MGAT4C: variants seen among roughly 807,000 people sequenced by gnomAD.
MGAT4C encodes alpha-1,3-mannosyl-glycoprotein 4-beta-N-acetylglucosaminyltransferase C.
A neutral mutation model predicts 40.1 loss-of-function variants in MGAT4C; 19 were observed. That is an observed-to-expected ratio of 0.47 (90% CI 0.33 to 0.70). MGAT4C has a LOEUF of 0.70. MGAT4C is among the 30% of genes least tolerant of loss of function. MGAT4C has a pLI of 0.02. For synonymous variants in MGAT4C, 181 were observed against 187.1 expected, an observed-to-expected ratio of 0.97 and a Z score of 0.27; for missense variants, 491 against 563.2, an observed-to-expected ratio of 0.87 and a Z score of 1.30.
intron 4 of MGAT4C, among the ~76,000 whole-genome samples, chr12:86,311,272 C>T (rs930543556): frequency 6.6e-6 from 1 of 152,074 alleles, no homozygotes; most frequent in Non-Finnish European, 1.5e-5. Context: ...GGCATTTTAC[C>T]GTACTAACTC....
chr12:86,053,402 G>A (rs1417607276), intron 1 of MGAT4C, among the ~76,000 whole-genome samples: 3 of 151,752 alleles, frequency 2.0e-5, no homozygotes, highest in Non-Finnish European at 4.4e-5. Context: ...TATGACACTG[G>A]AGCTGAGTAT....
intron 2 of MGAT4C, among the ~76,000 whole-genome samples, chr12:86,625,735 AC>A (rs1962783903): frequency 6.6e-6 from 1 of 152,184 alleles, no homozygotes; most frequent in Admixed American, 6.5e-5. Context: ...TAAAACAAAC[AC>A]TAGAAATAAA....
chr12:86,803,531 A>C (rs1459442336), intron 1 of MGAT4C, among the ~76,000 whole-genome samples: 1 of 151,886 alleles, frequency 6.6e-6, no homozygotes, highest in African/African-American at 2.4e-5. Flanking sequence ...CAAAGGGCTA[A>C]TATCCAGAAT....
At chr12:86,728,559 C>T (rs867631294) in intron 1 of MGAT4C, among the ~76,000 whole-genome samples, 16 of 152,164 alleles carry the variant, frequency 1.1e-4, no homozygotes, top group African/African-American at 3.4e-4. Context: ...GGCATAGTGG[C>T]GAGCACCTGT....
chr12:86,598,580 TC>T, intron 2 of MGAT4C, among the ~76,000 whole-genome samples: 1 of 152,174 alleles, frequency 6.6e-6, no homozygotes, highest in African/African-American at 2.4e-5. Flanking sequence ...TAGCAAAAAT[TC>T]CCTTCATCAC....
chr12:86,459,715 C>T (rs1243152982), intron 2 of MGAT4C, among the ~76,000 whole-genome samples: 7 of 127,040 alleles, frequency 5.5e-5, no homozygotes, highest in Admixed American at 1.7e-4. Context: ...CACCCACCCA[C>T]ATGCGCATAC....
intron 1 of MGAT4C, among the ~76,000 whole-genome samples, chr12:86,232,234 G>A (rs1951353977): frequency 6.6e-6 from 1 of 152,048 alleles, no homozygotes; most frequent in South Asian, 2.1e-4. Flanking sequence ...TTATTTATGT[G>A]TATGGAAAAA....
At chr12:86,006,484 TG>T (rs1887888608) in intron 2 of MGAT4C, among the ~76,000 whole-genome samples, 1 of 152,186 alleles carries the variant, frequency 6.6e-6, no homozygotes, top group South Asian at 2.1e-4. Flanking sequence ...GAAACAGACT[TG>T]TTTTGTTCAA....
At chr12:86,329,055 A>T (rs1480706653) in intron 4 of MGAT4C, among the ~76,000 whole-genome samples, 2 of 151,822 alleles carry the variant, frequency 1.3e-5, no homozygotes, top group South Asian at 2.1e-4. Flanking sequence ...GTGAGCCAAG[A>T]CCATGCCATT....
intron 1 of MGAT4C, among the ~76,000 whole-genome samples, chr12:86,249,597 A>C (rs1240159180): frequency 6.6e-6 from 1 of 152,194 alleles, no homozygotes; most frequent in African/African-American, 2.4e-5. Context: ...AAAGTTATGC[A>C]GTTATGACAG....
chr12:86,800,388 T>C (rs1261603850), intron 1 of MGAT4C, among the ~76,000 whole-genome samples: 2 of 151,942 alleles, frequency 1.3e-5, no homozygotes, highest in African/African-American at 4.8e-5. Context: ...AATCTCTGAA[T>C]TGATTTGTGA....
intron 4 of MGAT4C, among the ~76,000 whole-genome samples, chr12:86,311,022 G>A (rs534362786): frequency 1.5e-3 from 231 of 152,328 alleles, no homozygotes; most frequent in African/African-American, 5.3e-3. Context: ...GATGGGTCCT[G>A]CTGCTTACTC....
intron 2 of MGAT4C, among the ~76,000 whole-genome samples, chr12:86,530,315 A>G (rs1476556609): frequency 6.6e-6 from 1 of 151,904 alleles, no homozygotes; most frequent in Non-Finnish European, 1.5e-5. Flanking sequence ...ATTTTCTTTC[A>G]AACATCTAAA....
At chr12:86,808,566 A>G (rs1952408674) in intron 1 of MGAT4C, among the ~76,000 whole-genome samples, 1 of 152,094 alleles carries the variant, frequency 6.6e-6, no homozygotes, top group African/African-American at 2.4e-5. Flanking sequence ...AAGGACTTCA[A>G]TAAAATTCAA....
At chr12:86,736,910 C>T (rs536320205) in intron 1 of MGAT4C, among the ~76,000 whole-genome samples, 1 of 151,182 alleles carries the variant, frequency 6.6e-6, no homozygotes, top group South Asian at 2.1e-4. Flanking sequence ...CCCTTTCCTT[C>T]TCGTGGGCAT....
chr12:86,141,384 C>A (rs751117788), intron 1 of MGAT4C, among the ~76,000 whole-genome samples: 1 of 152,060 alleles, frequency 6.6e-6, no homozygotes, highest in South Asian at 2.1e-4. Flanking sequence ...TTCATTTTTT[C>A]AAAATAACTT....
rs1226520941 is a variant in MGAT4C at position 85,978,981 on chromosome 12, A to T, written c.*308T>A. 3.7e-5 allele frequency: 7 copies of T among 188,010 alleles called. No individual in the cohort carries two copies. Among genetic ancestry groups the T allele is most frequent in the East Asian group, 1.4e-4 (1 of 7,370 alleles). 11.6% of individuals were successfully genotyped at this position (188,010 alleles called of 1,614,324 possible). A position where few individuals can be genotyped will look rare whatever the true frequency, so the allele number is the denominator to read the frequency against. ...TTTTTCAAAAATCATCATCCAACAA[A>T]TTTTTTTCATTTAAAATCTTTCATA... is the stretch of plus-strand genomic sequence containing the variant. On this transcript the variant is annotated 3_prime_UTR_variant, in exon 5 of 5. Transcript: ENST00000611864.
intron 2 of MGAT4C, chr12:86,599,716 A>G (rs1961692918): frequency 6.6e-6 from 1 of 152,228 alleles, no homozygotes; most frequent in African/African-American, 2.4e-5. Context: ...TCACAGAAGT[A>G]GAATATAGTG....
chr12:86,506,042 C>T (rs79491888), intron 2 of MGAT4C, among the ~76,000 whole-genome samples: 3,173 of 152,264 alleles, frequency 0.021, 107 homozygotes, highest in African/African-American at 0.072. Context: ...CCACATCAAA[C>T]TTTAAGGATA....
Sources: gnomAD v4.1 joint callset for allele counts (sites outside exome capture counted in the v4.1 genomes callset) on GRCh38, gnomAD v4.1.1 for gene constraint, MANE v1.5 for transcripts, NCBI Gene and HGNC (gene_info 2026-07-23, HGNC 2026-07-21) for gene names.